NUP205: variants seen among roughly 807,000 people sequenced by gnomAD.
NUP205 encodes nucleoporin 205.
NUP205 carries 76 observed loss-of-function variants against 253.8 expected under a neutral mutation model. The ratio of observed to expected loss-of-function variants is 0.30; its 90% confidence interval spans 0.25 to 0.36. The LOEUF is 0.36. Ranked by LOEUF, NUP205 falls within the 10% of genes least tolerant of loss-of-function variation. NUP205 has a pLI of 1.00. For missense variants in NUP205, 2,162 were observed against 2,425.5 expected, an observed-to-expected ratio of 0.89 and a Z score of 2.28; for synonymous variants, 832 against 850.1, an observed-to-expected ratio of 0.98 and a Z score of 0.37.
chr7:135,558,412 G>A (rs1805492001), intron 1 of NUP205, among the ~76,000 whole-genome samples: 1 of 152,200 alleles, frequency 6.6e-6, no homozygotes, highest in Non-Finnish European at 1.5e-5. Context: ...AGATCTTGCA[G>A]GCAGCGAATA....
intron 2 of NUP205, among the ~76,000 whole-genome samples, chr7:135,573,245 T>C (rs993752962): frequency 1.3e-5 from 2 of 152,210 alleles, no homozygotes; most frequent in African/African-American, 4.8e-5. Flanking sequence ...GAAATAAGAC[T>C]ACATTTTATA....
intron 32 of NUP205, 123 bp from the exon 33 acceptor site, chr7:135,626,117 T>C: frequency 8.4e-7 from 1 of 1,188,208 alleles, no homozygotes; most frequent in South Asian, 1.4e-5. Flanking sequence ...AACCTGTCAC[T>C]AGCCCAGATT....
intron 22 of NUP205, among the ~76,000 whole-genome samples, chr7:135,608,420 G>T (rs1303823728): frequency 6.6e-6 from 1 of 152,152 alleles, no homozygotes; most frequent in African/African-American, 2.4e-5. Context: ...TATAATGAGG[G>T]CTGGGCCTGG....
chr7:135,583,239 T>C (rs1431123469), intron 7 of NUP205, among the ~76,000 whole-genome samples: 1 of 152,200 alleles, frequency 6.6e-6, no homozygotes, highest in African/African-American at 2.4e-5. Flanking sequence ...TTGGTTTGTA[T>C]GACAGTCAAA....
chr7:135,582,807 C>A (rs1563115665), intron 7 of NUP205, among the ~76,000 whole-genome samples: 1 of 148,640 alleles, frequency 6.7e-6, no homozygotes, highest in African/African-American at 2.5e-5. Flanking sequence ...ATTAAAAAAA[C>A]AGGCCAGGCA....
intron 21 of NUP205, 62 bp downstream of exon 21, chr7:135,606,977 G>A: frequency 6.7e-7 from 1 of 1,483,086 alleles, no homozygotes. Flanking sequence ...AGGGGTCACT[G>A]ATTGCATTCT....
chr7:135,574,100 G>A (rs1226095270), intron 3 of NUP205, among the ~76,000 whole-genome samples: 3 of 152,012 alleles, frequency 2.0e-5, no homozygotes, highest in Admixed American at 6.6e-5. Context: ...AGCCTCCCGA[G>A]TAGTTGAGAT....
chr7:135,606,029 TA>T, intron 19 of NUP205, 115 bp from the exon 20 acceptor site: 1 of 687,554 alleles, frequency 1.5e-6, no homozygotes. Flanking sequence ...CGTAAATACC[TA>T]AGCAGGTTTG....
chr7:135,630,155 G>T (rs1006957023), intron 34 of NUP205, among the ~76,000 whole-genome samples, 189 bp from the exon 35 acceptor site: 9 of 152,152 alleles, frequency 5.9e-5, no homozygotes, highest in African/African-American at 2.2e-4. Context: ...AAATATGTGA[G>T]TGCAGAAAAC....
At chr7:135,612,216 G>T (rs1471031148) in intron 22 of NUP205, among the ~76,000 whole-genome samples, 2 of 152,202 alleles carry the variant, frequency 1.3e-5, no homozygotes, top group Admixed American at 6.5e-5. Flanking sequence ...TAAAGTCATT[G>T]TGAAAACTGA....
Position 135,576,331 on chromosome 7 carries a change from C to T in NUP205, c.405C>T (p.Tyr135=), listed in dbSNP as rs780712623. Residue 135 remains tyrosine (Y), a synonymous_variant, in exon 4 of 43, where the codon TAC becomes TAT. Coordinates refer to ENST00000285968, the MANE Select transcript of NUP205 (RefSeq NM_015135.3). ...LTRGLVAVLL[Y]WDGKRCIANS... ...GAGGATTAGTAGCTGTTCTTCTGTA[C>T]TGGGATGGAAAGCGATGCATTGCGA... 1.2e-6 allele frequency: 2 copies of T among 1,613,730 alleles called. No homozygotes were observed. The highest frequency in any genetic ancestry group is 8.5e-7 in the Non-Finnish European group (1 of 1,179,716).
chr7:135,603,896 CTT>C (rs1455028719), intron 18 of NUP205, among the ~76,000 whole-genome samples: 1 of 152,098 alleles, frequency 6.6e-6, no homozygotes, highest in East Asian at 1.9e-4. Context: ...AGGAAGCAGA[CTT>C]TTCACAGAAA....
intron 10 of NUP205, among the ~76,000 whole-genome samples, chr7:135,590,658 G>C (rs924736946): frequency 6.6e-6 from 1 of 150,504 alleles, no homozygotes; most frequent in South Asian, 2.1e-4. Flanking sequence ...TCAGCCTTTC[G>C]AGTAGTTGGG....
Position 135,618,601 on chromosome 7 carries a change from A to C in NUP205, c.3961A>C (p.Lys1321Gln). The change falls in exon 28 of 43, where the codon AAG becomes CAG. Residue 1321 changes from lysine to glutamine, a missense_variant and splice_region_variant. Around this residue, in one of 5 missense-constraint regions of NUP205, gnomAD observed 1,144 missense variants for 1,280.9 expected, o/e 0.89. Coordinates refer to ENST00000285968, the MANE Select transcript of NUP205 (RefSeq NM_015135.3). ...IRDILQDVHD[K>Q]ILDDEAAQEL... is the part of the protein sequence containing the mutation. Reference sequence around the variant, plus strand: ...TGATATTTTACAAGATGTGCATGATAAGGTGACGTACTTCCTAAAATACTT... The same window carrying C: ...TGATATTTTACAAGATGTGCATGATCAGGTGACGTACTTCCTAAAATACTT... The C allele has an allele frequency of 6.3e-7, 1 of 1,589,154 alleles. No homozygotes were observed. Among genetic ancestry groups the C allele is most frequent in the East Asian group, 2.2e-5 (1 of 44,692 alleles).
intron 32 of NUP205, among the ~76,000 whole-genome samples, 194 bp from the exon 33 acceptor site, chr7:135,626,046 G>A (rs1039276396): frequency 1.1e-4 from 17 of 152,180 alleles, no homozygotes; most frequent in Admixed American, 6.5e-5. Flanking sequence ...GTCTGTGGGC[G>A]CTTTAGATAT....
At chr7:135,617,034 C>G in intron 25 of NUP205, 56 bp from the exon 26 acceptor site, 1 of 1,322,060 alleles carries the variant, frequency 7.6e-7, no homozygotes. Context: ...AATATGATGG[C>G]TTGCCTTTCT....
chr7:135,632,205 A>C (rs1159487015), intron 35 of NUP205, among the ~76,000 whole-genome samples: 1 of 152,208 alleles, frequency 6.6e-6, no homozygotes, highest in Non-Finnish European at 1.5e-5. Context: ...TATGTAATAT[A>C]AATGATAGTA....
At chr7:135,633,540 A>C (rs914886612) in intron 35 of NUP205, among the ~76,000 whole-genome samples, 1 of 152,166 alleles carries the variant, frequency 6.6e-6, no homozygotes, top group Non-Finnish European at 1.5e-5. Flanking sequence ...GTTTACCTCT[A>C]GCTATATATT....
chr7:135,629,864 A>G (rs1369251686), intron 34 of NUP205, among the ~76,000 whole-genome samples: 1 of 152,184 alleles, frequency 6.6e-6, no homozygotes, highest in Non-Finnish European at 1.5e-5. Context: ...TTTTAAAAAA[A>G]GAATTAGACA....
Sources: gnomAD v4.1 joint callset for allele counts (sites outside exome capture counted in the v4.1 genomes callset) on GRCh38, gnomAD v4.1.1 for gene constraint, gnomAD v4.1.1 regional missense constraint, MANE v1.5 for transcripts, NCBI Gene and HGNC (gene_info 2026-07-23, HGNC 2026-07-21) for gene names.